Variants in PCDHGA2 observed in about 807,000 individuals in gnomAD.
PCDHGA2 encodes the protein protocadherin gamma-A2.
Under a neutral mutation model 59.2 loss-of-function variants are expected in PCDHGA2, and 40 were observed. The ratio of observed to expected loss-of-function variants is 0.68; its 90% CI spans 0.52 to 0.88. The LOEUF is 0.88. Among genes scored for constraint, PCDHGA2 ranks in the 40% least tolerant of loss-of-function variants. The pLI is 0.00. For synonymous variants in PCDHGA2, 560 were observed against 526.0 expected, an observed-to-expected ratio of 1.06 and a Z score of -0.89; for missense variants, 1,226 against 1,204.0, an observed-to-expected ratio of 1.02 and a Z score of -0.27.
intron 1 of PCDHGA2, chr5:141,372,058 G>A (rs769464516): frequency 6.2e-7 from 1 of 1,613,554 alleles, no homozygotes; most frequent in South Asian, 1.1e-5. Flanking sequence ...GTGGACGACC[G>A]CAACGACAAT....
chr5:141,471,626 G>A (rs938624727), intron 1 of PCDHGA2: 2 of 152,108 alleles, frequency 1.3e-5, no homozygotes, highest in South Asian at 4.1e-4. Context: ...GTAAGCATTG[G>A]TATGGATTAG....
chr5:141,351,662 G>A (rs1758780439), intron 1 of PCDHGA2: 1 of 1,613,900 alleles, frequency 6.2e-7, no homozygotes, highest in African/African-American at 1.3e-5. Context: ...CGCCTCCATT[G>A]CACAAGTAAG....
chr5:141,423,300 G>T, intron 1 of PCDHGA2: 2 of 1,614,146 alleles, frequency 1.2e-6, no homozygotes, highest in African/African-American at 1.3e-5. Context: ...CAGACCTCTC[G>T]CTGTACTTGG....
chr5:141,338,779 C>A lies in PCDHGA2; in HGVS notation c.-193C>A. The A allele has an allele frequency of 1.5e-6, 2 of 1,298,908 alleles. No homozygotes were observed. Among genetic ancestry groups the A allele is most frequent in the Non-Finnish European group, 9.7e-7 (1 of 1,027,430 alleles). The allele number at this position is 1,298,908 out of a possible 1,614,324, so 80.5% of individuals were successfully genotyped here. ...ACATCCAATCCAGCAATACGGCTCCCACAGCACAAGGGGGTGGAGGTTTGG... is the reference window on the plus strand; with the variant it reads ...ACATCCAATCCAGCAATACGGCTCCAACAGCACAAGGGGGTGGAGGTTTGG... On this transcript the variant is annotated 5_prime_UTR_variant, in exon 1 of 4. Transcript: ENST00000394576.
chr5:141,406,761 A>T (rs1327829124), intron 1 of PCDHGA2, among the ~76,000 whole-genome samples: 1 of 152,234 alleles, frequency 6.6e-6, no homozygotes. Flanking sequence ...ACAAGGAATT[A>T]AAAATATTTC....
At chr5:141,446,830 A>G (rs1289946397) in intron 1 of PCDHGA2, among the ~76,000 whole-genome samples, 1 of 152,176 alleles carries the variant, frequency 6.6e-6, no homozygotes, top group Non-Finnish European at 1.5e-5. Flanking sequence ...GTAGATCCTT[A>G]TAAGGCTGAG....
intron 1 of PCDHGA2, chr5:141,403,407 A>T (rs2094404225): frequency 6.2e-7 from 1 of 1,613,940 alleles, no homozygotes. Context: ...GGAGCACGTT[A>T]TCCACTTCCA....
rs1756786021 is a variant in PCDHGA2, at chr5:141,338,886, T to C, written c.-86T>C. The C allele has an allele frequency of 1.4e-6, 2 of 1,466,502 alleles. No individual in the cohort carries two copies. The allele number at this position is 1,466,502 out of a possible 1,614,324, so 90.8% of individuals were successfully genotyped here. On this transcript the variant is annotated 5_prime_UTR_variant, in exon 1 of 4. Transcript: ENST00000394576. ...ATAGGGACCTGGGTCCCGTGAATGC[T>C]GGTTATCTCACACCCTGAGGAATAA...
At position 141,478,736 on chromosome 5, in the gene PCDHGA2, T is replaced by G; in HGVS notation, c.2425-16071T>G. On this transcript the variant is annotated intron_variant, in intron 1 of 3. Coordinates refer to ENST00000394576, the MANE Select transcript of PCDHGA2 (RefSeq NM_018915.4). Reference sequence around the variant, plus strand: ...TGGTGGCCTGCCAGAGTGTGGTTTGTGGTCCCATTTCAGGGGGAAGATACT... The same window carrying G: ...TGGTGGCCTGCCAGAGTGTGGTTTGGGGTCCCATTTCAGGGGGAAGATACT... 5 of 1,534,796 alleles carry G rather than the reference T, an allele frequency of 3.3e-6. No homozygotes were observed. In the South Asian group the frequency reaches 6.2e-5, roughly 19 times the overall value.
chr5:141,362,685 C>T, intron 1 of PCDHGA2: 1 of 1,139,308 alleles, frequency 8.8e-7, no homozygotes, highest in East Asian at 2.6e-5. Context: ...TTGTCTTAAT[C>T]TTATCTAACT....
chr5:141,499,751 A>G (rs1355923543), intron 2 of PCDHGA2, among the ~76,000 whole-genome samples: 2 of 149,258 alleles, frequency 1.3e-5, no homozygotes, highest in Non-Finnish European at 3.0e-5. Flanking sequence ...CTGTGGCACA[A>G]TCTCAGCTCA....
intron 1 of PCDHGA2, chr5:141,365,690 C>T: frequency 1.2e-6 from 2 of 1,613,562 alleles, no homozygotes; most frequent in South Asian, 2.2e-5. Flanking sequence ...CAATTTCCCT[C>T]AAGCCTCCTA....
intron 1 of PCDHGA2, chr5:141,365,375 C>A (rs752434944): frequency 9.3e-6 from 15 of 1,613,942 alleles, no homozygotes; most frequent in Non-Finnish European, 1.3e-5. Flanking sequence ...CGAAGTGATC[C>A]TCACCTCTCT....
In PCDHGA2 at chr5:141,339,146, C is replaced by T. The variant is rs746677262; in HGVS notation, c.175C>T (p.Leu59=). ...AKDLGLEPLA[L]AEQGVRIVSR... ...GGACTTGGGTTTGGAGCCCCTGGCA[C>T]TGGCAGAGCAGGGAGTCCGCATCGT... is the stretch of plus-strand genomic sequence containing the variant. The change falls in exon 1 of 4, where the codon CTG becomes TTG. Residue 59 remains leucine (L), a synonymous_variant. Coordinates refer to ENST00000394576, the MANE Select transcript of PCDHGA2 (RefSeq NM_018915.4). 3.1e-6 allele frequency: 5 copies of T among 1,614,218 alleles called. No individual in the cohort carries two copies. The African/African-American group carries it at 5.3e-5, about 17-fold the overall frequency.
At chr5:141,435,719 C>T (rs890713374) in intron 1 of PCDHGA2, among the ~76,000 whole-genome samples, 6 of 152,156 alleles carry the variant, frequency 3.9e-5, no homozygotes, top group Admixed American at 3.3e-4. Context: ...ACACTGAATG[C>T]TAAAGTGTAT....
intron 1 of PCDHGA2, chr5:141,421,683 A>G (rs1238944281): frequency 1.2e-6 from 2 of 1,613,758 alleles, no homozygotes; most frequent in African/African-American, 1.3e-5. Flanking sequence ...CTGGGGCGCG[A>G]TTTGCTCTTC....
rs556183945 is a variant in PCDHGA2 at position 141,404,478 on chromosome 5, C to G, written c.2424+63083C>G. On this transcript the variant is annotated intron_variant, in intron 1 of 3. Coordinates refer to ENST00000394576, the MANE Select transcript of PCDHGA2 (RefSeq NM_018915.4). ...CTCTCCACCTATGTCTCTATTAACT[C>G]AGACACTGGTGTGCTGTATGCTCTG... 36 of 1,613,412 alleles carry G rather than the reference C, an allele frequency of 2.2e-5. No homozygotes were observed. In the South Asian group the frequency reaches 3.6e-4, roughly 16 times the overall value.
intron 1 of PCDHGA2, chr5:141,441,038 G>A (rs1263659082): frequency 6.6e-6 from 1 of 152,156 alleles, no homozygotes; most frequent in African/African-American, 2.4e-5. Context: ...AAAACTTTAA[G>A]TACATTGGAC....
At chr5:141,405,473 G>A in intron 1 of PCDHGA2, 3 of 1,066,958 alleles carry the variant, frequency 2.8e-6, no homozygotes, top group Non-Finnish European at 4.0e-6. Flanking sequence ...AGGCTGGAAT[G>A]CAGTGGTGTG....
Sources: allele counts gnomAD v4.1 joint callset (sites outside exome capture counted in the v4.1 genomes callset), GRCh38; gene constraint gnomAD v4.1.1; transcripts MANE v1.5; gene names NCBI Gene and HGNC (gene_info 2026-07-23, HGNC 2026-07-21).